The following PCED1B variants were observed in gnomAD, a reference collection of about 807,000 sequenced individuals.
PCED1B encodes the protein PC-esterase domain containing 1B, also known as PC-esterase domain-containing protein 1B.
For missense variants in PCED1B, 573 were observed against 573.9 expected, an observed-to-expected ratio of 1.00 and a Z score of 0.02; for synonymous variants, 251 against 246.1, an observed-to-expected ratio of 1.02 and a Z score of -0.19.
At chr12:47,112,633 A>C (rs1217984682) in intron 2 of PCED1B, among the ~76,000 whole-genome samples, 1 of 152,198 alleles carries the variant, frequency 6.6e-6, no homozygotes, top group South Asian at 2.1e-4. Flanking sequence ...TTGTCGTAAA[A>C]AGCTACTTCC....
At chr12:47,115,493 G>A (rs955849712) in intron 2 of PCED1B, among the ~76,000 whole-genome samples, 1 of 152,102 alleles carries the variant, frequency 6.6e-6, no homozygotes, top group Non-Finnish European at 1.5e-5. Flanking sequence ...TTCAATAAAG[G>A]AAGGCAATAT....
At chr12:47,141,912 C>G (rs1237188467) in intron 2 of PCED1B, among the ~76,000 whole-genome samples, 1 of 152,120 alleles carries the variant, frequency 6.6e-6, no homozygotes, top group Non-Finnish European at 1.5e-5. Context: ...GGAGGAGGCA[C>G]CTTCATCCAT....
At chr12:47,095,219 T>C (rs185678643) in intron 1 of PCED1B, among the ~76,000 whole-genome samples, 29 of 152,242 alleles carry the variant, frequency 1.9e-4, no homozygotes, top group Non-Finnish European at 2.9e-4. Context: ...TTGCAAGATA[T>C]AATTCTAGTC....
chr12:47,223,244 GGA>G (rs1943539113), intron 3 of PCED1B, among the ~76,000 whole-genome samples: 1 of 152,122 alleles, frequency 6.6e-6, no homozygotes. Context: ...TTTCTCAGAG[GGA>G]GCAGTCAGTA....
intron 3 of PCED1B, among the ~76,000 whole-genome samples, chr12:47,233,834 C>A (rs1029881940): frequency 6.6e-6 from 1 of 152,126 alleles, no homozygotes; most frequent in Non-Finnish European, 1.5e-5. Context: ...GTGGCATATT[C>A]CGGTTCTCTT....
intron 2 of PCED1B, among the ~76,000 whole-genome samples, chr12:47,127,365 A>C (rs936808115): frequency 2.4e-5 from 3 of 126,688 alleles, no homozygotes; most frequent in South Asian, 2.6e-4. Flanking sequence ...TCTGTTTTTT[A>C]TTTCTTTTTT....
At chr12:47,224,198 A>G (rs1263506699) in intron 3 of PCED1B, among the ~76,000 whole-genome samples, 1 of 152,244 alleles carries the variant, frequency 6.6e-6, no homozygotes, top group Non-Finnish European at 1.5e-5. Context: ...ATTTTAGGGA[A>G]TATTTACAAA....
chr12:47,153,085 C>T (rs913306093), intron 2 of PCED1B, among the ~76,000 whole-genome samples: 4 of 152,194 alleles, frequency 2.6e-5, no homozygotes, highest in Admixed American at 6.5e-5. Flanking sequence ...CACAGTGGCT[C>T]ACGCCTGTAA....
At chr12:47,234,109 C>G (rs977667019) in intron 3 of PCED1B, among the ~76,000 whole-genome samples, 1 of 152,220 alleles carries the variant, frequency 6.6e-6, no homozygotes, top group Non-Finnish European at 1.5e-5. Context: ...CTGCCTCAGC[C>G]TCCCAAGTAG....
At chr12:47,231,246 C>T (rs1943797567) in intron 3 of PCED1B, among the ~76,000 whole-genome samples, 1 of 151,946 alleles carries the variant, frequency 6.6e-6, no homozygotes, top group Non-Finnish European at 1.5e-5. Context: ...ACATGGGGAC[C>T]CTCATAAGAG....
intron 1 of PCED1B, among the ~76,000 whole-genome samples, chr12:47,095,414 G>A (rs1457276316): frequency 6.6e-6 from 1 of 151,876 alleles, no homozygotes; most frequent in African/African-American, 2.4e-5. Flanking sequence ...CTATGATGTG[G>A]TTAGCTACAG....
chr12:47,204,700 G>A (rs983491855), intron 2 of PCED1B, among the ~76,000 whole-genome samples: 8 of 152,052 alleles, frequency 5.3e-5, no homozygotes, highest in African/African-American at 1.9e-4. Flanking sequence ...CTACAGACCA[G>A]GGGAGGCAGG....
At chr12:47,212,942 T>G (rs956846878) in intron 2 of PCED1B, among the ~76,000 whole-genome samples, 8 of 152,226 alleles carry the variant, frequency 5.3e-5, no homozygotes, top group African/African-American at 1.7e-4. Context: ...TAGGCTGCAT[T>G]GGAACAGAAT....
intron 2 of PCED1B, among the ~76,000 whole-genome samples, chr12:47,120,189 G>T (rs1342207281): frequency 1.3e-5 from 2 of 152,114 alleles, no homozygotes; most frequent in African/African-American, 4.8e-5. Flanking sequence ...GATAACAAAT[G>T]TTGACAAGGG....
intron 2 of PCED1B, among the ~76,000 whole-genome samples, chr12:47,133,873 G>A (rs1377734245): frequency 6.6e-6 from 1 of 152,092 alleles, no homozygotes; most frequent in Non-Finnish European, 1.5e-5. Flanking sequence ...CTCATGAATG[G>A]GATTAGTGCC....
chr12:47,199,291 C>G (rs1942696516), intron 2 of PCED1B, among the ~76,000 whole-genome samples: 1 of 152,160 alleles, frequency 6.6e-6, no homozygotes, highest in African/African-American at 2.4e-5. Context: ...TAGGAAGACT[C>G]AAATTCCTCA....
At chr12:47,107,185 T>C (rs1938991694) in intron 2 of PCED1B, among the ~76,000 whole-genome samples, 1 of 152,224 alleles carries the variant, frequency 6.6e-6, no homozygotes, top group South Asian at 2.1e-4. Flanking sequence ...TTCATGTTCA[T>C]GAAAGATTCT....
chr12:47,151,916 A>C (rs1340546961), intron 2 of PCED1B, among the ~76,000 whole-genome samples: 1 of 152,206 alleles, frequency 6.6e-6, no homozygotes, highest in Non-Finnish European at 1.5e-5. Context: ...GCTTAATTGA[A>C]TATCTGGGCA....
chr12:47,159,237 C>A (rs1200192844), intron 2 of PCED1B, among the ~76,000 whole-genome samples: 2 of 152,082 alleles, frequency 1.3e-5, no homozygotes, highest in African/African-American at 4.8e-5. Flanking sequence ...ATACTGATTT[C>A]TTTTCCTCTG....
Sources: allele counts gnomAD v4.1 joint callset (sites outside exome capture counted in the v4.1 genomes callset), GRCh38; gene constraint gnomAD v4.1.1; transcripts MANE v1.5; gene names NCBI Gene and HGNC (gene_info 2026-07-23, HGNC 2026-07-21).